Variants in SLC22A2 observed in about 807,000 individuals in gnomAD.
SLC22A2 encodes solute carrier family 22 member 2, also known as organic cation transporter 2.
SLC22A2 carries 46 observed loss-of-function variants against 60.5 expected under a neutral mutation model. The observed-to-expected ratio is 0.76, with a 90% CI of 0.60 to 0.97. The LOEUF is 0.97. Among genes scored for constraint, SLC22A2 ranks in the 50% least tolerant of loss-of-function variants. SLC22A2 has a pLI of 0.00. For missense variants in SLC22A2, 701 were observed against 706.6 expected (o/e 0.99, Z 0.09); for synonymous variants, 303 against 267.0 (o/e 1.13, Z -1.31).
intron 2 of SLC22A2, 46 bp from the exon 3 acceptor site, chr6:160,250,748 T>C: frequency 6.3e-7 from 1 of 1,583,286 alleles, no homozygotes; most frequent in Non-Finnish European, 8.7e-7. Flanking sequence ...AATTTTGATT[T>C]GTGAAGATTG....
rs569538472 is a variant in SLC22A2 at position 160,225,240 on chromosome 6, C to T, written c.1502-436G>A. Reference sequence around the variant, plus strand: ...ATGTATCTATTACTATGTAAGAGCACTAAAAAGTATAGCCAGGATTTTAGT... The same window carrying T: ...ATGTATCTATTACTATGTAAGAGCATTAAAAAGTATAGCCAGGATTTTAGT... On this transcript the variant is annotated intron_variant, in intron 9 of 10. Transcript: ENST00000366953. 8.5e-5 allele frequency among the ~76,000 whole-genome samples: 13 copies of T among 152,280 alleles called. No homozygotes were observed. The South Asian group carries it at 2.7e-3, about 32-fold the overall frequency.
rs58264151 is a variant in SLC22A2, at chr6:160,243,741, G to A, written c.1110C>T (p.Gly370=). The A allele has an allele frequency of 1.7e-5, 27 of 1,613,832 alleles. No homozygotes were observed. The African/African-American group carries it at 2.8e-4, about 17-fold the overall frequency. Residue 370 remains glycine (G), a synonymous_variant, in exon 7 of 11, where the codon GGC becomes GGT. Transcript: ENST00000366953. ...VLYQGLIMHM[G]LAGDNIYLDF... ...CCAGGTAGATATTGTCACCTGCAAG[G>A]CCCATGTGCATGATGAGGCCCTGGT...
At chr6:160,231,397 A>G (rs1401676213) in intron 9 of SLC22A2, among the ~76,000 whole-genome samples, 2 of 151,618 alleles carry the variant, frequency 1.3e-5, no homozygotes, top group African/African-American at 2.4e-5. Context: ...ACAAATATGG[A>G]ATACCTCTAC....
intron 9 of SLC22A2, among the ~76,000 whole-genome samples, chr6:160,232,858 C>G (rs943669884): frequency 2.6e-5 from 4 of 151,912 alleles, no homozygotes; most frequent in African/African-American, 9.7e-5. Context: ...GAAACTTCCA[C>G]ATATTAATCT....
intron 6 of SLC22A2, 173 bp downstream of exon 6, chr6:160,245,265 CT>C: frequency 2.0e-6 from 1 of 495,996 alleles, no homozygotes; most frequent in Non-Finnish European, 3.6e-6. Context: ...CTACACCGAT[CT>C]TAATATTTGC....
At chr6:160,222,643 G>T (rs73027651) in intron 10 of SLC22A2, among the ~76,000 whole-genome samples, 1 of 152,130 alleles carries the variant, frequency 6.6e-6, no homozygotes, top group Non-Finnish European at 1.5e-5. Context: ...AGAGGGGTAC[G>T]GGGTGGGAGG....
chr6:160,241,566 C>G lies in SLC22A2; in HGVS notation c.1409G>C (p.Cys470Ser). Reference sequence around the variant, plus strand: ...GCCACCAATGTCACACATTGAGGAACAGATGTGGACGCCAAGATTCCTAGA... The same window carrying G: ...GCCACCAATGTCACACATTGAGGAAGAGATGTGGACGCCAAGATTCCTAGA... Reference protein sequence around the residue: ...TFIRNLGVHICSSMCDIGGII... With the variant: ...TFIRNLGVHISSSMCDIGGII... The change falls in exon 9 of 11, where the codon TGT becomes TCT. Residue 470 changes from cysteine to serine, a missense_variant. By Grantham distance (112) the Cys-to-Ser change is moderately radical. Coordinates refer to ENST00000366953, the MANE Select transcript of SLC22A2 (RefSeq NM_003058.4). 6.2e-7 allele frequency: 1 copy of G among 1,612,826 alleles called. No individual in the cohort carries two copies.
At chr6:160,243,846 G>C in intron 6 of SLC22A2, 60 bp from the exon 7 acceptor site, 1 of 1,186,830 alleles carries the variant, frequency 8.4e-7, no homozygotes, top group Non-Finnish European at 1.2e-6. Context: ...CCAAAAAAGA[G>C]AGGCTTCTGG....
chr6:160,250,423 A>G (rs575096223), intron 3 of SLC22A2, 125 bp downstream of exon 3: 3 of 872,744 alleles, frequency 3.4e-6, no homozygotes, highest in African/African-American at 3.3e-5. Context: ...TTGATACAGA[A>G]ATAAAAAAAT....
intron 7 of SLC22A2, 59 bp downstream of exon 7, chr6:160,243,513 G>A (rs532008245): frequency 5.1e-5 from 63 of 1,239,298 alleles, no homozygotes; most frequent in African/African-American, 1.8e-4. Flanking sequence ...TCAATGGGCC[G>A]TGACACTCCC....
intron 8 of SLC22A2, 26 bp downstream of exon 8, chr6:160,242,268 C>T (rs377528013): frequency 8.6e-5 from 106 of 1,235,036 alleles, no homozygotes; most frequent in Non-Finnish European, 2.5e-5. Context: ...CACCCACCCT[C>T]GTCATTCTAA....
At chr6:160,242,734 ATTC>A (rs1783030976) in intron 7 of SLC22A2, among the ~76,000 whole-genome samples, 1 of 151,870 alleles carries the variant, frequency 6.6e-6, no homozygotes, top group Non-Finnish European at 1.5e-5. Context: ...CATCATCGAC[ATTC>A]TCCACAGAGT....
chr6:160,223,289 G>C (rs186784943), intron 10 of SLC22A2, among the ~76,000 whole-genome samples: 75 of 152,250 alleles, frequency 4.9e-4, no homozygotes, highest in Non-Finnish European at 8.4e-4. Context: ...ATTACAAAAA[G>C]GTAAGCATTG....
At position 160,224,728 on chromosome 6, in the gene SLC22A2, G is replaced by A. The variant is rs375421038; in HGVS notation, c.1578C>T (p.Ile526=). The part of the protein sequence containing the change: ...ETKGKALPET[I]EEAENMQRPR... Reference sequence around the variant, plus strand: ...ACCTTTGCATATTTTCGGCTTCCTCGATGGTCTCAGGCAAAGCTTTCCCTT... The same window carrying A: ...ACCTTTGCATATTTTCGGCTTCCTCAATGGTCTCAGGCAAAGCTTTCCCTT... Residue 526 remains isoleucine (I), a synonymous_variant, in exon 10 of 11, where the codon ATC becomes ATT. Transcript: ENST00000366953. The A allele has an allele frequency of 3.6e-5, 58 of 1,603,618 alleles. No individual in the cohort carries two copies. Among genetic ancestry groups the A allele is most frequent in the East Asian group, 4.5e-5 (2 of 44,606 alleles).
intron 7 of SLC22A2, among the ~76,000 whole-genome samples, chr6:160,242,620 A>AT (rs36031168): frequency 0.7 from 105,341 of 151,532 alleles, 38,468 homozygotes; most frequent in Admixed American, 0.82. Flanking sequence ...TAAAAAAGAT[A>AT]TTTTTTTTAG....
intron 9 of SLC22A2, among the ~76,000 whole-genome samples, chr6:160,229,084 CTT>C (rs1310778655): frequency 6.6e-6 from 1 of 151,858 alleles, no homozygotes; most frequent in East Asian, 1.9e-4. Context: ...GGGGACCTCT[CTT>C]GGGAGATCAA....
At chr6:160,241,876 T>TA (rs1783008912) in intron 8 of SLC22A2, among the ~76,000 whole-genome samples, 1 of 39,118 alleles carries the variant, frequency 2.6e-5, no homozygotes, top group African/African-American at 5.8e-5. Context: ...TGCACAATAT[T>TA]TTATATATAT....
At chr6:160,230,907 C>G (rs899769469) in intron 9 of SLC22A2, among the ~76,000 whole-genome samples, 12 of 152,086 alleles carry the variant, frequency 7.9e-5, no homozygotes, top group African/African-American at 2.7e-4. Flanking sequence ...CCCTAAAGCT[C>G]TAGCCCAAGG....
chr6:160,238,236 A>C (rs1268631377), intron 9 of SLC22A2, among the ~76,000 whole-genome samples: 1 of 152,204 alleles, frequency 6.6e-6, no homozygotes, highest in Non-Finnish European at 1.5e-5. Context: ...GCTTGTTATG[A>C]GGCTGAAATG....
Sources: gnomAD v4.1 joint callset for allele counts (sites outside exome capture counted in the v4.1 genomes callset) on GRCh38, gnomAD v4.1.1 for gene constraint, MANE v1.5 for transcripts, NCBI Gene and HGNC (gene_info 2026-07-23, HGNC 2026-07-21) for gene names.